The following INTS3 variants were observed in gnomAD, a reference collection of about 807,000 sequenced individuals.
The protein encoded by INTS3 is integrator complex subunit 3, also known as SOSS complex subunit A.
Under a neutral mutation model 146.3 loss-of-function variants are expected in INTS3, and 34 were observed. The observed-to-expected ratio is 0.23, with a 90% CI of 0.18 to 0.31. The LOEUF is 0.31. INTS3 is among the 10% of genes least tolerant of loss of function. INTS3 has a pLI of 1.00. For missense variants in INTS3, 757 were observed against 1,304.2 expected (o/e 0.58, Z 6.46); for synonymous variants, 475 against 494.9 (o/e 0.96, Z 0.53).
rs896209022 is a variant in INTS3, at chr1:153,761,160, A to G, written c.1409+242A>G. Reference sequence around the variant, plus strand: ...GTTGACCCCCTTCAGGGATCTGAGTATGGTCCAGTTAGACTGATTGTGCTT... The same window carrying G: ...GTTGACCCCCTTCAGGGATCTGAGTGTGGTCCAGTTAGACTGATTGTGCTT... On this transcript the variant is annotated intron_variant, in intron 13 of 29. Transcript: ENST00000318967. 4 of 1,035,358 alleles carry G rather than the reference A, an allele frequency of 3.9e-6. No homozygotes were observed. In the African/African-American group the frequency reaches 4.9e-5, roughly 13 times the overall value. 64.1% of individuals were successfully genotyped at this position (1,035,358 alleles called of 1,614,324 possible).
rs745614933 is a variant in INTS3, at chr1:153,771,958, A to G, written c.2715A>G (p.Arg905=). The change falls in exon 26 of 30, where the codon AGA becomes AGG. Residue 905 remains arginine (R), a synonymous_variant. Coordinates refer to ENST00000318967, the MANE Select transcript of INTS3 (RefSeq NM_023015.5). ...LIKNNSLPRK[R]QSLRSSSSKL... ...AGAACAACAGCCTGCCTCGCAAGAG[A>G]CAGAGGTGGGACACGGTCCCTGTCT... The G allele has an allele frequency of 1.9e-6, 3 of 1,612,802 alleles. No homozygotes were observed. In the African/African-American group the frequency reaches 4.0e-5, roughly 22 times the overall value.
At chr1:153,766,748 G>A (rs1040566988) in intron 20 of INTS3, 1 of 145,368 alleles carries the variant, frequency 6.9e-6, no homozygotes, top group African/African-American at 2.6e-5. Context: ...GGAGTGCAGT[G>A]GCGCGAGCTC....
At chr1:153,728,995 A>T (rs1274241442) in intron 1 of INTS3, among the ~76,000 whole-genome samples, 1 of 152,148 alleles carries the variant, frequency 6.6e-6, no homozygotes, top group Non-Finnish European at 1.5e-5. Context: ...AGCAGCCACT[A>T]GTATGAAAAT....
chr1:153,736,344 C>T (rs775136438), intron 1 of INTS3, among the ~76,000 whole-genome samples: 1 of 152,160 alleles, frequency 6.6e-6, no homozygotes, highest in Non-Finnish European at 1.5e-5. Context: ...AAACACTTGC[C>T]TTGCCTTAAC....
intron 23 of INTS3, 75 bp downstream of exon 23, chr1:153,769,919 C>T: frequency 9.1e-7 from 1 of 1,097,438 alleles, no homozygotes; most frequent in Non-Finnish European, 1.4e-6. Context: ...TTTACACTAT[C>T]AGGAAAGCTG....
chr1:153,765,201 T>A, intron 20 of INTS3, 138 bp downstream of exon 20: 1 of 893,074 alleles, frequency 1.1e-6, no homozygotes, highest in South Asian at 1.6e-5. Flanking sequence ...TGGTTTGTTT[T>A]TAAGAGACAG....
At chr1:153,761,501 ACT>A (rs1672380998) in intron 13 of INTS3, 67 bp from the exon 14 acceptor site, 1 of 1,133,820 alleles carries the variant, frequency 8.8e-7, no homozygotes. Context: ...TGAGAGTGAC[ACT>A]CTGTCTCAAA....
chr1:153,730,239 G>A (rs1250974767), intron 1 of INTS3, among the ~76,000 whole-genome samples: 2 of 152,176 alleles, frequency 1.3e-5, no homozygotes, highest in African/African-American at 4.8e-5. Flanking sequence ...GGGCATTCAG[G>A]TAAATCAGTT....
In INTS3 at chr1:153,763,350, T is replaced by C; in HGVS notation, c.1754T>C (p.Leu585Pro). The C allele has an allele frequency of 6.2e-7, 1 of 1,614,152 alleles. No homozygotes were observed. The highest frequency in any genetic ancestry group is 8.5e-7 in the Non-Finnish European group (1 of 1,180,040). ...TCCCTGAGGGACAAAGTACTCCAGC[T>C]ACAGAAGGGGAGGTGGGTACAGACC... Reference protein sequence around the residue: ...DESLRDKVLQLQKGSDTEAQC... With the variant: ...DESLRDKVLQPQKGSDTEAQC... The change falls in exon 16 of 30, where the codon CTA becomes CCA. Residue 585 changes from leucine to proline, a missense_variant. Around this residue, in one of 8 missense-constraint regions of INTS3, gnomAD observed 89 missense variants for 210.9 expected, o/e 0.42. Coordinates refer to ENST00000318967, the MANE Select transcript of INTS3 (RefSeq NM_023015.5).
chr1:153,728,474 C>A lies in INTS3; in HGVS notation c.-161C>A. The A allele has an allele frequency of 1.2e-6, 1 of 838,512 alleles. No homozygotes were observed. The highest frequency in any genetic ancestry group is 1.8e-6 in the Non-Finnish European group (1 of 551,594). 51.9% of individuals were successfully genotyped at this position (838,512 alleles called of 1,614,324 possible). On this transcript the variant is annotated 5_prime_UTR_variant, in exon 1 of 30. Coordinates refer to ENST00000318967, the MANE Select transcript of INTS3 (RefSeq NM_023015.5). The stretch of plus-strand genomic sequence containing the variant: ...GCCTTCGCCCCCAACGCAGGCGCGG[C>A]CTTTTGGAGAGGAGGGAGGAGTGGA...
At chr1:153,731,470 C>T (rs1379426957) in intron 1 of INTS3, among the ~76,000 whole-genome samples, 1 of 151,954 alleles carries the variant, frequency 6.6e-6, no homozygotes, top group Non-Finnish European at 1.5e-5. Flanking sequence ...GAGTTTAGAA[C>T]ATGTAGTTCC....
chr1:153,771,117 G>A (rs570887005), intron 25 of INTS3, among the ~76,000 whole-genome samples: 63 of 150,638 alleles, frequency 4.2e-4, no homozygotes, highest in South Asian at 8.7e-4. Flanking sequence ...GAGGGGTCAC[G>A]CACCATCCTC....
chr1:153,765,907 T>A (rs2101823871), intron 20 of INTS3, among the ~76,000 whole-genome samples: 1 of 152,296 alleles, frequency 6.6e-6, no homozygotes, highest in African/African-American at 2.4e-5. Context: ...GTTATACAAC[T>A]ATCACTACTA....
chr1:153,735,578 G>A (rs1056479739), intron 1 of INTS3, among the ~76,000 whole-genome samples: 1 of 152,154 alleles, frequency 6.6e-6, no homozygotes, highest in African/African-American at 2.4e-5. Flanking sequence ...AGAATGCTGT[G>A]CCACTCCTTG....
chr1:153,767,607 G>A, intron 20 of INTS3, 67 bp from the exon 21 acceptor site: 1 of 1,480,228 alleles, frequency 6.8e-7, no homozygotes, highest in East Asian at 2.5e-5. Context: ...GCGGGAGCCT[G>A]CTTCGGGGAT....
In INTS3 at chr1:153,740,751, C is replaced by G. The variant is rs1383628905; in HGVS notation, c.234+17C>G. 1 of 1,578,750 alleles carries G rather than the reference C, an allele frequency of 6.3e-7. No homozygotes were observed. The highest frequency in any genetic ancestry group is 8.7e-7 in the Non-Finnish European group (1 of 1,147,986). ...AATGCGTATGTAAGTAGAATGCTGTCCCTGCAGCCACTGCTGCTGCTGTGA... is the reference window on the plus strand; with the variant it reads ...AATGCGTATGTAAGTAGAATGCTGTGCCTGCAGCCACTGCTGCTGCTGTGA... On this transcript the variant is annotated intron_variant, in intron 2 of 29. Transcript: ENST00000318967.
chr1:153,756,870 C>T (rs1672181802), intron 9 of INTS3, among the ~76,000 whole-genome samples: 1 of 152,190 alleles, frequency 6.6e-6, no homozygotes, highest in Non-Finnish European at 1.5e-5. Flanking sequence ...AGCTGCATTT[C>T]ACATGCATAA....
intron 2 of INTS3, 117 bp from the exon 3 acceptor site, chr1:153,741,168 G>C (rs998821970): frequency 2.2e-5 from 17 of 770,158 alleles, no homozygotes; most frequent in African/African-American, 3.5e-5. Flanking sequence ...AGATTTAAAA[G>C]TTGATTATTC....
At chr1:153,767,865 C>T (rs1672657607) in intron 21 of INTS3, 38 bp downstream of exon 21, 2 of 1,559,674 alleles carry the variant, frequency 1.3e-6, no homozygotes, top group South Asian at 1.2e-5. Flanking sequence ...GGGGGGCTCA[C>T]AGGAACACAC....
Sources: gnomAD v4.1 joint callset for allele counts (sites outside exome capture counted in the v4.1 genomes callset) on GRCh38, gnomAD v4.1.1 for gene constraint, gnomAD v4.1.1 regional missense constraint, MANE v1.5 for transcripts, NCBI Gene and HGNC (gene_info 2026-07-23, HGNC 2026-07-21) for gene names.